The following NDST3 variants were observed in gnomAD, a reference collection of about 807,000 sequenced individuals.
The protein encoded by NDST3 is bifunctional heparan sulfate N-deacetylase/N-sulfotransferase 3.
Under a neutral mutation model 96.1 loss-of-function variants are expected in NDST3, and 58 were observed. The observed-to-expected ratio is 0.60, with a 90% CI of 0.49 to 0.75. The LOEUF is 0.75. Among genes scored for constraint, NDST3 ranks in the 30% least tolerant of loss-of-function variants. The pLI, the probability that NDST3 is intolerant of heterozygous loss-of-function variation, is 0.00. For synonymous variants in NDST3, 333 were observed against 359.7 expected (o/e 0.93, Z 0.84); for missense variants, 788 against 1,034.2 (o/e 0.76, Z 3.27).
chr4:118,160,809 G>A (rs1321838205), intron 6 of NDST3, among the ~76,000 whole-genome samples: 1 of 152,014 alleles, frequency 6.6e-6, no homozygotes, highest in Non-Finnish European at 1.5e-5. Flanking sequence ...TTTGCCTTTG[G>A]TTTGAATTTC....
At chr4:118,069,350 G>C (rs1211784243) in intron 2 of NDST3, among the ~76,000 whole-genome samples, 1 of 152,014 alleles carries the variant, frequency 6.6e-6, no homozygotes, top group Non-Finnish European at 1.5e-5. Context: ...AGGTGGGATA[G>C]AGTACCCCAT....
chr4:118,113,288 A>G (rs957569429), intron 3 of NDST3, among the ~76,000 whole-genome samples: 33 of 152,226 alleles, frequency 2.2e-4, no homozygotes, highest in Admixed American at 1.1e-3. Context: ...CAATGGTAAC[A>G]TAAGTGTATA....
Position 118,138,190 on chromosome 4 carries a change from A to C in NDST3, c.1361A>C (p.His454Pro). Residue 454 changes from histidine (H) to proline (P), a missense_variant, in exon 5 of 14, where the codon CAT becomes CCT. This residue lies in a region of NDST3 where 490 missense variants were observed against 708.8 expected (regional missense o/e 0.69). Coordinates refer to ENST00000296499, the MANE Select transcript of NDST3 (RefSeq NM_004784.3). ...IKITSTEEYP[H>P]LKPARYRRGF... ...ATCACCAGCACTGAAGAATATCCAC[A>C]TCTGAAGCCAGCTAGATACCGGAGG... 6.2e-7 allele frequency: 1 copy of C among 1,614,022 alleles called. No homozygotes were observed.
intron 2 of NDST3, among the ~76,000 whole-genome samples, chr4:118,067,919 G>A (rs1726728096): frequency 6.6e-6 from 1 of 151,158 alleles, no homozygotes; most frequent in Non-Finnish European, 1.5e-5. Flanking sequence ...CTTAAAATAA[G>A]TAAATAAATA....
At chr4:118,148,453 GTC>G (rs1272249971) in intron 6 of NDST3, among the ~76,000 whole-genome samples, 1 of 151,974 alleles carries the variant, frequency 6.6e-6, no homozygotes, top group African/African-American at 2.4e-5. Flanking sequence ...AATGCTTTTT[GTC>G]TCTCTGTTTC....
At chr4:118,036,215 G>A (rs1268733845) in intron 1 of NDST3, among the ~76,000 whole-genome samples, 1 of 151,892 alleles carries the variant, frequency 6.6e-6, no homozygotes, top group East Asian at 1.9e-4. Context: ...TTAATCTTGG[G>A]ACTCTGATTA....
At chr4:118,152,857 C>T (rs796563928) in intron 6 of NDST3, among the ~76,000 whole-genome samples, 5 of 152,306 alleles carry the variant, frequency 3.3e-5, no homozygotes, top group African/African-American at 9.6e-5. Flanking sequence ...CTGCTGACTG[C>T]CTCGTCCGCT....
chr4:118,037,272 G>C (rs1479691659), intron 1 of NDST3, among the ~76,000 whole-genome samples: 5 of 152,196 alleles, frequency 3.3e-5, no homozygotes, highest in Non-Finnish European at 7.3e-5. Flanking sequence ...CTGCTAAGTA[G>C]AGATGTTACA....
chr4:118,166,293 G>A (rs1226214001), intron 6 of NDST3, among the ~76,000 whole-genome samples: 1 of 151,660 alleles, frequency 6.6e-6, no homozygotes, highest in Non-Finnish European at 1.5e-5. Context: ...TGATAAATTG[G>A]AATAACCTAG....
intron 6 of NDST3, among the ~76,000 whole-genome samples, chr4:118,179,720 C>T (rs1009626862): frequency 1.3e-5 from 2 of 151,952 alleles, no homozygotes; most frequent in African/African-American, 2.4e-5. Flanking sequence ...ATCTGTAGGG[C>T]TAGTTCCTCC....
chr4:118,171,434 A>G (rs1413894577), intron 6 of NDST3, among the ~76,000 whole-genome samples: 1 of 152,178 alleles, frequency 6.6e-6, no homozygotes, highest in Non-Finnish European at 1.5e-5. Context: ...TGAGATTTAG[A>G]TTGCTGAGGC....
At chr4:118,110,158 T>C (rs968320737) in intron 3 of NDST3, among the ~76,000 whole-genome samples, 3 of 152,210 alleles carry the variant, frequency 2.0e-5, no homozygotes, top group African/African-American at 7.2e-5. Context: ...TCCTTATTTA[T>C]AGATTTGTTA....
Position 118,240,790 on chromosome 4 carries a change from T to C in NDST3, c.2289+96T>C. 4 of 1,162,528 alleles carry C rather than the reference T, an allele frequency of 3.4e-6. No homozygotes were observed. The East Asian group carries it at 7.3e-5, about 21-fold the overall frequency. 72.0% of individuals were successfully genotyped at this position (1,162,528 alleles called of 1,614,324 possible). A position where few individuals can be genotyped will look rare whatever the true frequency, so the allele number is the denominator to read the frequency against. On this transcript the variant is annotated intron_variant, in intron 11 of 13. Transcript: ENST00000296499. ...AAATTTTCAATTGTTAAACTATTAC[T>C]AGTTTTTCCTCTTTAGTTGTAAATA...
chr4:118,183,278 C>T (rs1321142149), intron 6 of NDST3, among the ~76,000 whole-genome samples: 1 of 152,208 alleles, frequency 6.6e-6, no homozygotes, highest in Non-Finnish European at 1.5e-5. Flanking sequence ...AGCTGCCCCA[C>T]ATTGGGCACC....
chr4:118,249,968 C>G lies in NDST3; in HGVS notation c.2400-3531C>G, dbSNP rs150364876. Among the ~76,000 whole-genome samples, 508 of 152,312 alleles carry G rather than the reference C, an allele frequency of 3.3e-3. 2 individuals carry two copies. The highest frequency in any genetic ancestry group is 0.012 in the African/African-American group (481 of 41,564). Reference sequence around the variant, plus strand: ...TCTACTCACCTTGACCCCTAGGAATCATCAAGCTACTTTCTTTCACTTAGC... The same window carrying G: ...TCTACTCACCTTGACCCCTAGGAATGATCAAGCTACTTTCTTTCACTTAGC... On this transcript the variant is annotated intron_variant, in intron 12 of 13. Transcript: ENST00000296499.
chr4:118,215,441 G>A lies in NDST3; in HGVS notation c.1540-9050G>A, dbSNP rs114894340. On this transcript the variant is annotated intron_variant, in intron 6 of 13. Transcript: ENST00000296499. The stretch of plus-strand genomic sequence containing the variant: ...TTTGGAAGGCATTTTTCATGGGATG[G>A]TGGGGACAAAACCCAAGTCACAAAT... 5.4e-3 allele frequency among the ~76,000 whole-genome samples: 817 copies of A among 152,170 alleles called. 14 individuals carry two copies. Among genetic ancestry groups the A allele is most frequent in the African/African-American group, 0.019 (774 of 41,538 alleles).
intron 6 of NDST3, among the ~76,000 whole-genome samples, chr4:118,169,541 C>T (rs1164382488): frequency 6.6e-6 from 1 of 152,158 alleles, no homozygotes; most frequent in African/African-American, 2.4e-5. Flanking sequence ...CGCCTGTAAT[C>T]CTAGCACTTT....
At chr4:118,177,819 T>C (rs1450179144) in intron 6 of NDST3, among the ~76,000 whole-genome samples, 2 of 151,936 alleles carry the variant, frequency 1.3e-5, no homozygotes, top group African/African-American at 4.8e-5. Context: ...ATGGAAGATT[T>C]GAATGAGTTT....
intron 2 of NDST3, 118 bp downstream of exon 2, chr4:118,055,009 G>C (rs765935530): frequency 1.6e-6 from 2 of 1,271,726 alleles, no homozygotes; most frequent in Non-Finnish European, 2.3e-6. Context: ...GGAAAGTCTG[G>C]GCAATCTAGG....
Sources: allele counts gnomAD v4.1 joint callset (sites outside exome capture counted in the v4.1 genomes callset), GRCh38; gene constraint gnomAD v4.1.1; regional missense constraint gnomAD v4.1.1; transcripts MANE v1.5; gene names NCBI Gene and HGNC (gene_info 2026-07-23, HGNC 2026-07-21).